Variants in IGF2R observed in about 807,000 individuals in gnomAD.
IGF2R encodes the protein insulin like growth factor 2 receptor, also known as cation-independent mannose-6-phosphate receptor.
Under a neutral mutation model 270.6 loss-of-function variants are expected in IGF2R, and 91 were observed. The ratio of observed to expected loss-of-function variants is 0.34; its 90% confidence interval spans 0.28 to 0.40. The LOEUF is 0.40. Among genes scored for constraint, IGF2R ranks in the 10% least tolerant of loss-of-function variants. The pLI, the probability that IGF2R is intolerant of heterozygous loss-of-function variation, is 1.00. For synonymous variants in IGF2R, 1,316 were observed against 1,258.9 expected, an observed-to-expected ratio of 1.05 and a Z score of -0.96; for missense variants, 2,805 against 3,188.3, an observed-to-expected ratio of 0.88 and a Z score of 2.90.
At chr6:160,010,835 C>A (rs1784322915) in intron 4 of IGF2R, 50 bp downstream of exon 4, 3 of 1,094,524 alleles carry the variant, frequency 2.7e-6, no homozygotes, top group Non-Finnish European at 4.2e-6. Context: ...CTCTGGGGAA[C>A]TTTATCTTTC....
At chr6:160,047,438 T>C in intron 16 of IGF2R, 102 bp downstream of exon 16, 8 of 992,940 alleles carry the variant, frequency 8.1e-6, no homozygotes, top group Non-Finnish European at 1.2e-5. Context: ...TCCAGCCAAA[T>C]CATCACCGTC....
At chr6:160,012,745 T>TTATTTATATATATATATATATATA (rs1784353797) in intron 4 of IGF2R, among the ~76,000 whole-genome samples, 1 of 105,310 alleles carries the variant, frequency 9.5e-6, no homozygotes, top group Non-Finnish European at 2.0e-5. Flanking sequence ...CCCGGCTAAT[T>TTATTTATATATATATATATATATA]TATATATATA....
chr6:159,992,230 AT>A (rs1269943948), intron 2 of IGF2R, among the ~76,000 whole-genome samples: 4 of 152,178 alleles, frequency 2.6e-5, no homozygotes, highest in Admixed American at 2.0e-4. Context: ...TGTTTTAAAC[AT>A]TTTAATATTT....
Position 160,071,962 on chromosome 6 carries a change from C to T in IGF2R, c.4496C>T (p.Ala1499Val). 11 of 1,614,180 alleles carry T rather than the reference C, an allele frequency of 6.8e-6. No homozygotes were observed. The highest frequency in any genetic ancestry group is 9.3e-6 in the Non-Finnish European group (11 of 1,180,020). The change falls in exon 32 of 48, where the codon GCC becomes GTC. Residue 1499 changes from alanine (A) to valine (V), a missense_variant. By Grantham distance (64) the Ala-to-Val change is moderately conservative. Transcript: ENST00000356956. ...SAVEDCEYTFAWPTATACPMK... is the reference protein window; with the variant it reads ...SAVEDCEYTFVWPTATACPMK... ...GTGGAGGACTGTGAGTACACCTTTG[C>T]CTGGCCCACAGCCACAGCCTGTCCC...
intron 44 of IGF2R, chr6:160,093,289 T>C: frequency 4.5e-6 from 1 of 222,014 alleles, no homozygotes. Flanking sequence ...AGGTACTGCA[T>C]GGCCAGCCCC....
rs779801468 is a variant in IGF2R at position 160,063,627 on chromosome 6, G to T, written c.3883G>T (p.Ala1295Ser). Residue 1295 changes from alanine (A) to serine (S), a missense_variant, in exon 27 of 48, where the codon GCA becomes TCA. Ala to Ser is a moderately conservative substitution (Grantham distance 99). Transcript: ENST00000356956. ...GGAACCGCAGGGATTTCACAAAGTG[G>T]CAGGTACCATTGTTTGTCGTTTTCC... The part of the protein sequence containing the change: ...KREPQGFHKV[A>S]GLLTQKLTYE... 25 of 1,611,706 alleles carry T rather than the reference G, an allele frequency of 1.6e-5. 1 individual carries two copies. The South Asian group carries it at 2.2e-4, about 14-fold the overall frequency.
intron 1 of IGF2R, among the ~76,000 whole-genome samples, chr6:159,976,200 GT>G (rs1017867086): frequency 2.0e-5 from 3 of 151,996 alleles, no homozygotes; most frequent in Non-Finnish European, 4.4e-5. Flanking sequence ...GTTTTATCTA[GT>G]TTATTTTTCT....
rs757960572 is a variant in IGF2R at position 160,103,732 on chromosome 6, C to CT, written c.6996-5dup. 8.4e-4 allele frequency: 1,303 copies of CT among 1,542,212 alleles called. 1 individual carries two copies. Among genetic ancestry groups the CT allele is most frequent in the Non-Finnish European group, 9.6e-4 (1,077 of 1,121,692 alleles). On this transcript the variant is annotated splice_polypyrimidine_tract_variant and intron_variant, in intron 46 of 47. Transcript: ENST00000356956. The stretch of plus-strand genomic sequence containing the variant: ...TCTACACTGGAGTAATTATTGTCTC[C>CT]TTTTTTTTTATAGGGAAACAGTGAT...
intron 19 of IGF2R, among the ~76,000 whole-genome samples, chr6:160,052,325 C>T (rs1778217964): frequency 6.6e-6 from 1 of 152,206 alleles, no homozygotes; most frequent in South Asian, 2.1e-4. Context: ...AGTGAACTCC[C>T]ATTCACAATT....
intron 9 of IGF2R, 96 bp downstream of exon 9, chr6:160,033,203 C>G (rs1777738180): frequency 1.2e-6 from 1 of 801,900 alleles, no homozygotes; most frequent in Non-Finnish European, 2.0e-6. Flanking sequence ...GTGGTGCAAT[C>G]TCGGTGCATT....
At chr6:160,001,522 C>T (rs1484944063) in intron 2 of IGF2R, among the ~76,000 whole-genome samples, 1 of 152,126 alleles carries the variant, frequency 6.6e-6, no homozygotes, top group African/African-American at 2.4e-5. Context: ...CCATCCCACC[C>T]CCAGTCCAAG....
At chr6:160,060,114 C>T (rs1271181927) in intron 22 of IGF2R, among the ~76,000 whole-genome samples, 2 of 151,938 alleles carry the variant, frequency 1.3e-5, no homozygotes, top group African/African-American at 4.8e-5. Context: ...TGTCATAACA[C>T]AGGCCACCGT....
intron 45 of IGF2R, among the ~76,000 whole-genome samples, chr6:160,099,141 T>C (rs907773261): frequency 5.9e-5 from 9 of 152,192 alleles, no homozygotes; most frequent in African/African-American, 7.2e-5. Context: ...CACCCACTTA[T>C]GAAATACCAG....
intron 18 of IGF2R, among the ~76,000 whole-genome samples, chr6:160,049,553 C>A (rs982254333): frequency 2.6e-5 from 4 of 152,184 alleles, no homozygotes; most frequent in Non-Finnish European, 5.9e-5. Flanking sequence ...TCTGGCATCT[C>A]AACTCAGAGA....
At chr6:160,103,421 C>T (rs967638154) in intron 46 of IGF2R, among the ~76,000 whole-genome samples, 3 of 152,070 alleles carry the variant, frequency 2.0e-5, no homozygotes, top group South Asian at 2.1e-4. Context: ...TCTGTCTCTG[C>T]GAGCCACCAT....
Position 160,107,352 on chromosome 6 carries a change from C to G in IGF2R, c.*2268C>G, listed in dbSNP as rs1265651182. ...TGGCAAAAAGGCATGTTGTCTGCAC[C>G]ACTGGCTGCCTGCTAATGTCGCTGT... On this transcript the variant is annotated 3_prime_UTR_variant, in exon 48 of 48. Transcript: ENST00000356956. The G allele has an allele frequency of 6.6e-6, 1 of 152,254 alleles. No homozygotes were observed. The highest frequency in any genetic ancestry group is 1.5e-5 in the Non-Finnish European group (1 of 68,048). The allele number at this position is 152,254 out of a possible 1,614,324, so 9.4% of individuals were successfully genotyped here. A position where few individuals can be genotyped will look rare whatever the true frequency, so the allele number is the denominator to read the frequency against.
intron 36 of IGF2R, among the ~76,000 whole-genome samples, chr6:160,076,353 A>G (rs749868132): frequency 2.6e-5 from 4 of 152,234 alleles, no homozygotes; most frequent in Non-Finnish European, 5.9e-5. Context: ...TTGGGCAGCT[A>G]TAGTCACTCA....
In IGF2R at chr6:160,027,251, G is replaced by A; in HGVS notation, c.713G>A (p.Arg238Lys). 2 of 1,614,218 alleles carry A rather than the reference G, an allele frequency of 1.2e-6. No individual in the cohort carries two copies. Among genetic ancestry groups the A allele is most frequent in the South Asian group, 1.1e-5 (1 of 91,088 alleles). ...CCCGGCACTGCCGCCTGCCTGGTAA[G>A]AGGACACCAGGCGTTTGATGTTGGC... ...CPPGTAACLV[R>K]GHQAFDVGQP... The change falls in exon 6 of 48, where the codon AGA becomes AAA. Residue 238 changes from arginine to lysine, a missense_variant. By Grantham distance (26) the Arg-to-Lys change is conservative (BLOSUM62 2). Transcript: ENST00000356956.
At position 160,060,723 on chromosome 6, in the gene IGF2R, G is replaced by T. The variant is rs1176146540; in HGVS notation, c.3262+6G>T. 5.0e-6 allele frequency: 8 copies of T among 1,614,180 alleles called. No individual in the cohort carries two copies. Among genetic ancestry groups the T allele is most frequent in the African/African-American group, 2.7e-5 (2 of 75,070 alleles). Reference sequence around the variant, plus strand: ...AGTGGACTGCCAAGTCACCGGTAAGGCCGTGCGGCCTAAGAACTGAGAGGC... The same window carrying T: ...AGTGGACTGCCAAGTCACCGGTAAGTCCGTGCGGCCTAAGAACTGAGAGGC... On this transcript the variant is annotated splice_donor_region_variant and intron_variant, in intron 23 of 47. Coordinates refer to ENST00000356956, the MANE Select transcript of IGF2R (RefSeq NM_000876.4).
Sources: gnomAD v4.1 joint callset for allele counts (sites outside exome capture counted in the v4.1 genomes callset) on GRCh38, gnomAD v4.1.1 for gene constraint, MANE v1.5 for transcripts, NCBI Gene and HGNC (gene_info 2026-07-23, HGNC 2026-07-21) for gene names.